The following VAT1L variants were observed in gnomAD, a reference collection of about 807,000 sequenced individuals.
VAT1L encodes putative NADPH-dependent quinone oxidoreductase VAT1L.
In VAT1L, 34 loss-of-function variants were observed where a neutral mutation model predicts 44.1. The ratio of observed to expected loss-of-function variants is 0.77; its 90% confidence interval spans 0.59 to 1.03. The LOEUF is 1.03. Ranked by LOEUF, VAT1L falls within the 50% of genes least tolerant of loss-of-function variation. VAT1L has a pLI of 0.00. For synonymous variants in VAT1L, 253 were observed against 202.2 expected, an observed-to-expected ratio of 1.25 and a Z score of -2.13; for missense variants, 615 against 538.8, an observed-to-expected ratio of 1.14 and a Z score of -1.40.
chr16:77,960,824 G>C (rs1250191487), intron 7 of VAT1L, among the ~76,000 whole-genome samples: 1 of 152,082 alleles, frequency 6.6e-6, no homozygotes, highest in East Asian at 1.9e-4. Flanking sequence ...ATTGCAGACA[G>C]TAATGACTAT....
chr16:77,944,560 C>G (rs1025550498), intron 7 of VAT1L, among the ~76,000 whole-genome samples: 11 of 152,130 alleles, frequency 7.2e-5, no homozygotes, highest in Admixed American at 1.3e-4. Context: ...ACTGTAAAAA[C>G]AGAAATAATG....
intron 1 of VAT1L, among the ~76,000 whole-genome samples, chr16:77,805,342 C>T (rs750474575): frequency 6.6e-6 from 1 of 152,020 alleles, no homozygotes; most frequent in Non-Finnish European, 1.5e-5. Flanking sequence ...AAGATTTATG[C>T]CCAAGATTTT....
intron 7 of VAT1L, among the ~76,000 whole-genome samples, chr16:77,932,102 AT>A (rs33928206): frequency 0.012 from 1,531 of 126,570 alleles, 13 homozygotes; most frequent in East Asian, 0.032. Context: ...AAATACAGTA[AT>A]TTTTTTTTTT....
intron 7 of VAT1L, among the ~76,000 whole-genome samples, chr16:77,931,004 G>T (rs2017725402): frequency 6.6e-6 from 1 of 152,064 alleles, no homozygotes; most frequent in Non-Finnish European, 1.5e-5. Context: ...GTGGATAATG[G>T]TACCCTCCTC....
intron 7 of VAT1L, among the ~76,000 whole-genome samples, chr16:77,931,300 C>T (rs1433082299): frequency 2.0e-5 from 3 of 152,150 alleles, no homozygotes; most frequent in East Asian, 1.9e-4. Context: ...TAGGCTTTAA[C>T]TGTATTAGTA....
chr16:77,803,573 C>A (rs1332069034), intron 1 of VAT1L, among the ~76,000 whole-genome samples: 1 of 151,978 alleles, frequency 6.6e-6, no homozygotes, highest in Non-Finnish European at 1.5e-5. Context: ...GCGCCCTCCA[C>A]CACGCCCGGC....
chr16:77,933,352 C>T (rs1025958737), intron 7 of VAT1L, among the ~76,000 whole-genome samples: 1 of 152,148 alleles, frequency 6.6e-6, no homozygotes, highest in Non-Finnish European at 1.5e-5. Context: ...CTGTATTTAC[C>T]TTAAACAGTT....
At chr16:77,930,767 G>T (rs574742107) in intron 7 of VAT1L, among the ~76,000 whole-genome samples, 24 of 152,172 alleles carry the variant, frequency 1.6e-4, no homozygotes, top group Non-Finnish European at 3.1e-4. Flanking sequence ...GTTGTTCAAG[G>T]GGGCATGGAG....
At chr16:77,914,872 T>C (rs908636945) in intron 7 of VAT1L, among the ~76,000 whole-genome samples, 24 of 152,204 alleles carry the variant, frequency 1.6e-4, no homozygotes, top group Non-Finnish European at 1.3e-4. Flanking sequence ...ACGCCTGTAA[T>C]CCCAGCACTT....
intron 7 of VAT1L, among the ~76,000 whole-genome samples, chr16:77,891,560 A>C (rs2017266185): frequency 6.6e-6 from 1 of 152,192 alleles, no homozygotes. Flanking sequence ...GTCCAAATGC[A>C]GTCATTTATT....
intron 3 of VAT1L, among the ~76,000 whole-genome samples, chr16:77,826,207 A>T (rs1459095385): frequency 1.7e-3 from 2 of 1,154 alleles, no homozygotes; most frequent in African/African-American, 3.4e-3. Flanking sequence ...ACTCCGTCTC[A>T]AAAAAAAAAA....
chr16:77,872,857 T>A (rs2017046750), intron 4 of VAT1L, among the ~76,000 whole-genome samples: 1 of 152,178 alleles, frequency 6.6e-6, no homozygotes, highest in Non-Finnish European at 1.5e-5. Flanking sequence ...GCACAGTGCC[T>A]AGCATGTAGT....
In VAT1L at chr16:77,958,600, A is replaced by C. The variant is rs142148495; in HGVS notation, c.1078-13250A>C. On this transcript the variant is annotated intron_variant, in intron 7 of 8. Transcript: ENST00000302536. Reference sequence around the variant, plus strand: ...CCAGATTTTTTTTTCCCTCTGCTTTAGTTCAAAACACAATAAGACAAGAAT... The same window carrying C: ...CCAGATTTTTTTTTCCCTCTGCTTTCGTTCAAAACACAATAAGACAAGAAT... 4.0e-3 allele frequency among the ~76,000 whole-genome samples: 603 copies of C among 152,272 alleles called. 16 individuals are homozygous for C. The highest frequency in any genetic ancestry group is 1.6e-3 in the Non-Finnish European group (108 of 68,024).
intron 1 of VAT1L, among the ~76,000 whole-genome samples, chr16:77,813,322 C>T (rs547898277): frequency 1.3e-5 from 2 of 152,310 alleles, no homozygotes; most frequent in Admixed American, 6.5e-5. Flanking sequence ...GTAGAGTCAA[C>T]AATGTCTGTC....
At chr16:77,963,053 G>A (rs2018181002) in intron 7 of VAT1L, among the ~76,000 whole-genome samples, 2 of 152,222 alleles carry the variant, frequency 1.3e-5, no homozygotes. Context: ...TTCTCCTAAA[G>A]AGGCTTCTAG....
At chr16:77,900,885 C>A (rs1261855811) in intron 7 of VAT1L, among the ~76,000 whole-genome samples, 2 of 151,972 alleles carry the variant, frequency 1.3e-5, no homozygotes, top group African/African-American at 4.8e-5. Context: ...TGCTCATGAG[C>A]CTTTATGAGC....
chr16:77,847,667 C>T (rs1278011109), intron 3 of VAT1L, among the ~76,000 whole-genome samples: 1 of 152,138 alleles, frequency 6.6e-6, no homozygotes, highest in Non-Finnish European at 1.5e-5. Context: ...TTCTTGTGCA[C>T]ATGCATCAAA....
At position 77,825,452 on chromosome 16, in the gene VAT1L, T is replaced by C. The variant is rs1370552393; in HGVS notation, c.570T>C (p.Gly190=). ...EGMSVLVHSA[G]GGVGQAVAQL... ...TGTCTGTGCTCGTGCACTCAGCTGG[T>C]GGGGGCGTGGTAAGTCAGCTGTTTG... Residue 190 remains glycine, a synonymous_variant, in exon 3 of 9, where the codon GGT becomes GGC. Coordinates refer to ENST00000302536, the MANE Select transcript of VAT1L (RefSeq NM_020927.3). 1 of 1,585,426 alleles carries C rather than the reference T, an allele frequency of 6.3e-7. No homozygotes were observed. The highest frequency in any genetic ancestry group is 8.6e-7 in the Non-Finnish European group (1 of 1,164,434).
chr16:77,849,136 C>T (rs1232695730), intron 3 of VAT1L, among the ~76,000 whole-genome samples: 1 of 152,014 alleles, frequency 6.6e-6, no homozygotes, highest in Non-Finnish European at 1.5e-5. Context: ...ACGTGTATGC[C>T]TATGTAACAA....
Sources: allele counts gnomAD v4.1 joint callset (sites outside exome capture counted in the v4.1 genomes callset), GRCh38; gene constraint gnomAD v4.1.1; transcripts MANE v1.5; gene names NCBI Gene and HGNC (gene_info 2026-07-23, HGNC 2026-07-21).